The following MRPS18A variants were observed in gnomAD, a reference collection of about 807,000 sequenced individuals.
MRPS18A encodes mitochondrial ribosomal protein S18A.
MRPS18A carries 20 observed loss-of-function variants against 22.7 expected under a neutral mutation model. The observed-to-expected ratio is 0.88, with a 90% CI of 0.62 to 1.28. The LOEUF (loss-of-function observed/expected upper bound fraction) is 1.28. Ranked by LOEUF, MRPS18A falls within the 50% of genes most tolerant of loss-of-function variation. The pLI is 0.00. For synonymous variants in MRPS18A, 106 were observed against 99.1 expected (o/e 1.07, Z -0.41); for missense variants, 294 against 262.6 (o/e 1.12, Z -0.83).
rs1481443437 is a variant in MRPS18A at position 43,671,925 on chromosome 6, G to A, written c.447-19C>T. 8 of 1,580,624 alleles carry A rather than the reference G, an allele frequency of 5.1e-6. No individual in the cohort carries two copies. Among genetic ancestry groups the A allele is most frequent in the Non-Finnish European group, 5.2e-6 (6 of 1,162,166 alleles). ...CAGGTACCTGTGGAGGGAGAACAAA[G>A]AGGTGCCTGTGAGGGCTGGGGGCCC... On this transcript the variant is annotated intron_variant, in intron 5 of 5. Coordinates refer to ENST00000372133, the MANE Select transcript of MRPS18A (RefSeq NM_018135.4).
At position 43,673,430 on chromosome 6, in the gene MRPS18A, A is replaced by C. The variant is rs936941369; in HGVS notation, c.447-1524T>G. 6.6e-5 allele frequency among the ~76,000 whole-genome samples: 10 copies of C among 152,110 alleles called. No individual in the cohort carries two copies. Among genetic ancestry groups the C allele is most frequent in the African/African-American group, 2.4e-5 (1 of 41,438 alleles). ...AGGCTCCCCAGAAGGGTGCTCATTG[A>C]GATTTGGGGATGCAGAGGAAAAGCT... On this transcript the variant is annotated intron_variant, in intron 5 of 5. Transcript: ENST00000372133. The surrounding 1 kb of genome is among the most constrained non-coding windows in gnomAD (Gnocchi z 4.2).
intron 5 of MRPS18A, among the ~76,000 whole-genome samples, chr6:43,674,781 T>G (rs1243608183): frequency 1.3e-5 from 2 of 152,230 alleles, no homozygotes; most frequent in African/African-American, 2.4e-5. Context: ...GATGTTGCCC[T>G]GAAGTTGTCC....
In MRPS18A at chr6:43,671,828, G is replaced by A. The variant is rs755929911; in HGVS notation, c.525C>T (p.Pro175=). ...TGTCCCTCAGAAGGGGTGACCCCAC[G>A]GGCATGCGCACCCTGTTCCAGCGGG... ...KGPRWNRVRM[P]VGSPLLRDNV... Residue 175 remains proline (P), a synonymous_variant, in exon 6 of 6, where the codon CCC becomes CCT. Transcript: ENST00000372133. 53 of 1,614,066 alleles carry A rather than the reference G, an allele frequency of 3.3e-5. No homozygotes were observed. Among genetic ancestry groups the A allele is most frequent in the African/African-American group, 2.3e-4 (17 of 74,934 alleles).
At position 43,674,435 on chromosome 6, in the gene MRPS18A, T is replaced by C. The variant is rs144583685; in HGVS notation, c.446+767A>G. On this transcript the variant is annotated intron_variant, in intron 5 of 5. Coordinates refer to ENST00000372133, the MANE Select transcript of MRPS18A (RefSeq NM_018135.4). ...CCAGCTGGACAGGAGGAAAGGGCCA[T>C]TGGTAGGGAGAAGAACCCCCTCAAA... is the stretch of plus-strand genomic sequence containing the variant. 3.6e-3 allele frequency among the ~76,000 whole-genome samples: 554 copies of C among 152,268 alleles called. 3 individuals carry two copies. The highest frequency in any genetic ancestry group is 8.4e-3 in the African/African-American group (348 of 41,566).
intron 3 of MRPS18A, among the ~76,000 whole-genome samples, chr6:43,677,127 T>C (rs1265071139): frequency 6.6e-6 from 1 of 152,178 alleles, no homozygotes; most frequent in African/African-American, 2.4e-5. Flanking sequence ...CCTACAGTGG[T>C]TGGGCGGGTG....
At chr6:43,678,698 C>A (rs778972412) in intron 2 of MRPS18A, 73 bp from the exon 3 acceptor site, 432 of 1,091,592 alleles carry the variant, frequency 4.0e-4, no homozygotes, top group Middle Eastern at 9.9e-4. Flanking sequence ...TGCACAAACC[C>A]CAAAATGATG....
At chr6:43,685,812 T>C (rs1026226649) in intron 1 of MRPS18A, among the ~76,000 whole-genome samples, 5 of 152,226 alleles carry the variant, frequency 3.3e-5, no homozygotes, top group African/African-American at 1.2e-4. Flanking sequence ...ACATAATGCA[T>C]AGACTAGCAA....
Position 43,673,143 on chromosome 6 carries a change from A to G in MRPS18A, c.447-1237T>C, listed in dbSNP as rs904136342. On this transcript the variant is annotated intron_variant, in intron 5 of 5. Transcript: ENST00000372133. This position sits in a 1 kb window ranked among gnomAD's most constrained non-coding sequence, Gnocchi z 4.2. ...GCTTGGATTACAGGCACCCGCCACAATGCATGGCTAATTTTTGTATTTTTA... is the reference window on the plus strand; with the variant it reads ...GCTTGGATTACAGGCACCCGCCACAGTGCATGGCTAATTTTTGTATTTTTA... 3.3e-5 allele frequency among the ~76,000 whole-genome samples: 5 copies of G among 152,016 alleles called. No homozygotes were observed. Among genetic ancestry groups the G allele is most frequent in the South Asian group, 2.1e-4 (1 of 4,826 alleles).
chr6:43,672,431 G>A lies in MRPS18A; in HGVS notation c.447-525C>T, dbSNP rs201213307. The stretch of plus-strand genomic sequence containing the variant: ...GTAAGGGCCCGTGGGCGCAGCCCTA[G>A]CCTAGGAAGGTTCCTGTAAATAGGA... On this transcript the variant is annotated intron_variant, in intron 5 of 5. Coordinates refer to ENST00000372133, the MANE Select transcript of MRPS18A (RefSeq NM_018135.4). 6.4e-4 allele frequency: 300 copies of A among 471,196 alleles called. 1 individual carries two copies. The highest frequency in any genetic ancestry group is 1.1e-3 in the Non-Finnish European group (251 of 227,098). 29.2% of individuals were successfully genotyped at this position (471,196 alleles called of 1,614,324 possible).
At position 43,681,119 on chromosome 6, in the gene MRPS18A, C is replaced by T; in HGVS notation, c.114G>A (p.Val38=). 1 of 1,613,366 alleles carries T rather than the reference C, an allele frequency of 6.2e-7. No homozygotes were observed. The highest frequency in any genetic ancestry group is 8.5e-7 in the Non-Finnish European group (1 of 1,179,376). ...TTGTCTTCCCTTCTTGGGTCTCCAC[C>T]ACTACGGAGATAAAGGGGGAAACAT... is the stretch of plus-strand genomic sequence containing the variant. ...SRLPARGFRE[V]VETQEGKTTI... Residue 38 remains valine, a splice_region_variant and synonymous_variant, in exon 2 of 6, where the codon GTG becomes GTA. Coordinates refer to ENST00000372133, the MANE Select transcript of MRPS18A (RefSeq NM_018135.4).
intron 5 of MRPS18A, chr6:43,672,525 T>A: frequency 2.3e-6 from 1 of 438,692 alleles, no homozygotes; most frequent in Non-Finnish European, 4.8e-6. Context: ...AGGGCCCTGA[T>A]AGTTCCCAGA....
chr6:43,678,188 C>A (rs544261437), intron 3 of MRPS18A, among the ~76,000 whole-genome samples: 33 of 152,112 alleles, frequency 2.2e-4, no homozygotes, highest in Non-Finnish European at 4.3e-4. Context: ...CCCCACCCCC[C>A]GAGGCTGATT....
At chr6:43,679,511 G>A (rs1055690836) in intron 2 of MRPS18A, among the ~76,000 whole-genome samples, 15 of 152,114 alleles carry the variant, frequency 9.9e-5, no homozygotes, top group Non-Finnish European at 2.1e-4. Context: ...CCTCCCTATC[G>A]CTGCCGTATC....
chr6:43,675,451 T>G, intron 4 of MRPS18A, 43 bp downstream of exon 4: 3 of 1,613,354 alleles, frequency 1.9e-6, no homozygotes, highest in Non-Finnish European at 2.5e-6. Flanking sequence ...GGGGAGAGAG[T>G]GCCTGCAGCC....
At chr6:43,678,476 T>C in intron 3 of MRPS18A, 42 bp downstream of exon 3, 1 of 1,461,324 alleles carries the variant, frequency 6.8e-7, no homozygotes, top group Non-Finnish European at 9.6e-7. Flanking sequence ...ATCTGAGAAC[T>C]TCATGACACA....
chr6:43,674,637 C>A (rs922823438), intron 5 of MRPS18A, among the ~76,000 whole-genome samples: 5 of 152,206 alleles, frequency 3.3e-5, no homozygotes, highest in Non-Finnish European at 5.9e-5. Flanking sequence ...AGAAGGCAGA[C>A]AAAGTGATTC....
At chr6:43,686,925 T>C (rs1277949161) in intron 1 of MRPS18A, among the ~76,000 whole-genome samples, 2 of 152,230 alleles carry the variant, frequency 1.3e-5, no homozygotes, top group African/African-American at 2.4e-5. Context: ...AGTCTCCCTG[T>C]ACTTCGTCAC....
rs557449240 is a variant in MRPS18A, at chr6:43,673,237, C to T, written c.447-1331G>A. Among the ~76,000 whole-genome samples the T allele has an allele frequency of 8.6e-4, 131 of 152,194 alleles. No homozygotes were observed. The highest frequency in any genetic ancestry group is 3.1e-3 in the African/African-American group (128 of 41,518). ...TCCTGACCTCAAGTGATCCGCCCGC[C>T]TCGGCCTCCCAAATTGCTGGGATTA... On this transcript the variant is annotated intron_variant, in intron 5 of 5. Coordinates refer to ENST00000372133, the MANE Select transcript of MRPS18A (RefSeq NM_018135.4). The surrounding 1 kb of genome is among the most constrained non-coding windows in gnomAD (Gnocchi z 4.2).
chr6:43,672,041 T>C (rs1028695511), intron 5 of MRPS18A, 135 bp from the exon 6 acceptor site: 2 of 1,079,910 alleles, frequency 1.9e-6, no homozygotes, highest in South Asian at 3.3e-5. Flanking sequence ...TTTCCTGAAG[T>C]GCAGGGATTT....
Sources: gnomAD v4.1 joint callset for allele counts (sites outside exome capture counted in the v4.1 genomes callset) on GRCh38, gnomAD v4.1.1 for gene constraint, Gnocchi (gnomAD v3.1) non-coding constraint, MANE v1.5 for transcripts, NCBI Gene and HGNC (gene_info 2026-07-23, HGNC 2026-07-21) for gene names.